ADAM19: variants seen among roughly 807,000 people sequenced by gnomAD.
ADAM19 encodes ADAM metallopeptidase domain 19.
In ADAM19, 65 loss-of-function variants were observed where a neutral mutation model predicts 114.7. The observed-to-expected ratio is 0.57, with a 90% confidence interval of 0.46 to 0.70. The LOEUF (loss-of-function observed/expected upper bound fraction) is 0.70, where lower values mean the gene tolerates loss of function less well. ADAM19 is among the 30% of genes least tolerant of loss of function. ADAM19 has a pLI of 0.00. For missense variants in ADAM19, 1,063 were observed against 1,204.7 expected, an observed-to-expected ratio of 0.88 and a Z score of 1.74; for synonymous variants, 466 against 460.5, an observed-to-expected ratio of 1.01 and a Z score of -0.15.
rs1358355507 is a variant in ADAM19 at position 157,477,557 on chromosome 5, T to C, written c.*3392A>G. On this transcript the variant is annotated 3_prime_UTR_variant, in exon 23 of 23. Coordinates refer to ENST00000257527, the MANE Select transcript of ADAM19 (RefSeq NM_033274.5). ...GACGCGTTGGGGGTGACTTTGGAAA[T>C]GTGGGCTTGGATTCTACAGAACCTC... 13 of 1,189,568 alleles carry C rather than the reference T, an allele frequency of 1.1e-5. No individual in the cohort carries two copies. The highest frequency in any genetic ancestry group is 1.4e-5 in the Non-Finnish European group (13 of 936,324). The allele number at this position is 1,189,568 out of a possible 1,614,324, so 73.7% of individuals were successfully genotyped here.
intron 3 of ADAM19, among the ~76,000 whole-genome samples, chr5:157,558,121 G>C (rs11750530): frequency 0.069 from 10,511 of 152,294 alleles, 464 homozygotes; most frequent in Middle Eastern, 0.15. Context: ...CTGGAATGAC[G>C]TGCCTAGCAA....
intron 7 of ADAM19, among the ~76,000 whole-genome samples, chr5:157,515,768 A>G (rs544725981): frequency 6.6e-6 from 1 of 152,256 alleles, no homozygotes; most frequent in African/African-American, 2.4e-5. Context: ...AGCATCATGG[A>G]AGTCCTTTAC....
rs1338296997 is a variant in ADAM19 at position 157,477,332 on chromosome 5, T to C, written c.*3617A>G. On this transcript the variant is annotated 3_prime_UTR_variant, in exon 23 of 23. Transcript: ENST00000257527. ...CATTGCAAATGACAAACAATTCATT[T>C]TTAATTAAATACTAACAAGGAAAAA... is the stretch of plus-strand genomic sequence containing the variant. 1.0e-6 allele frequency: 1 copy of C among 997,426 alleles called. No homozygotes were observed. Among genetic ancestry groups the C allele is most frequent in the Non-Finnish European group, 1.2e-6 (1 of 836,430 alleles). The allele number at this position is 997,426 out of a possible 1,614,324, so 61.8% of individuals were successfully genotyped here. A position where few individuals can be genotyped will look rare whatever the true frequency, so the allele number is the denominator to read the frequency against.
intron 7 of ADAM19, 38 bp downstream of exon 7, chr5:157,518,785 G>A (rs778340417): frequency 1.3e-6 from 2 of 1,502,298 alleles, no homozygotes; most frequent in South Asian, 1.1e-5. Flanking sequence ...GCTATCAAGA[G>A]AGCAGTTTTT....
chr5:157,552,744 T>C (rs935161361), intron 3 of ADAM19, among the ~76,000 whole-genome samples: 1 of 151,822 alleles, frequency 6.6e-6, no homozygotes, highest in African/African-American at 2.4e-5. Context: ...CCTGTGTTTG[T>C]TGCAGCAGAG....
chr5:157,565,552 T>C (rs994089548), intron 2 of ADAM19, among the ~76,000 whole-genome samples: 1 of 151,284 alleles, frequency 6.6e-6, no homozygotes, highest in African/African-American at 2.4e-5. Context: ...CTACCAAAAA[T>C]ACAAAAATTA....
intron 21 of ADAM19, among the ~76,000 whole-genome samples, chr5:157,483,756 C>T (rs139772773): frequency 1.3e-5 from 2 of 151,916 alleles, no homozygotes; most frequent in East Asian, 3.9e-4. Flanking sequence ...GCCTCAGCCT[C>T]CTGAGTAGTT....
intron 3 of ADAM19, among the ~76,000 whole-genome samples, chr5:157,555,518 A>G (rs1333158934): frequency 6.6e-6 from 1 of 152,226 alleles, no homozygotes; most frequent in Non-Finnish European, 1.5e-5. Flanking sequence ...TGCAAGGGCC[A>G]CATGTCACAG....
chr5:157,550,610 C>G (rs1757167765), intron 3 of ADAM19, among the ~76,000 whole-genome samples: 1 of 150,334 alleles, frequency 6.7e-6, no homozygotes, highest in Non-Finnish European at 1.5e-5. Flanking sequence ...TGTAAATATA[C>G]TAAAACAGAT....
intron 7 of ADAM19, among the ~76,000 whole-genome samples, chr5:157,518,337 G>T (rs1756155518): frequency 6.6e-6 from 1 of 151,862 alleles, no homozygotes; most frequent in South Asian, 2.1e-4. Context: ...GGGGGGAGTT[G>T]GGGGAGTTCC....
chr5:157,539,787 G>A (rs376037732), intron 3 of ADAM19, among the ~76,000 whole-genome samples: 60 of 152,266 alleles, frequency 3.9e-4, no homozygotes, highest in African/African-American at 1.4e-3. Context: ...TTTGCCTGAG[G>A]GAGAAAAGCT....
chr5:157,494,655 T>C (rs1755296101), intron 15 of ADAM19, 32 bp downstream of exon 15: 2 of 1,589,976 alleles, frequency 1.3e-6, no homozygotes, highest in African/African-American at 1.3e-5. Context: ...TTGTTCATCC[T>C]CATTTCATGA....
At chr5:157,564,500 G>A (rs11134819) in intron 2 of ADAM19, 57 bp from the exon 3 acceptor site, 178,329 of 1,487,932 alleles carry the variant, frequency 0.12, 13,695 homozygotes, top group African/African-American at 0.36. Flanking sequence ...GGCTCCCTGG[G>A]TCGGGCACAG....
chr5:157,497,128 T>C (rs762562311), intron 13 of ADAM19, 39 bp from the exon 14 acceptor site: 12 of 1,451,142 alleles, frequency 8.3e-6, no homozygotes, highest in African/African-American at 3.0e-5. Flanking sequence ...GTCAATCTCC[T>C]CCCCACCCTC....
intron 5 of ADAM19, among the ~76,000 whole-genome samples, chr5:157,525,370 C>A (rs1756423373): frequency 6.6e-6 from 1 of 152,194 alleles, no homozygotes; most frequent in Non-Finnish European, 1.5e-5. Context: ...AGACTCTGCC[C>A]AACCTCTCTG....
chr5:157,489,245 C>T, intron 19 of ADAM19, 59 bp from the exon 20 acceptor site: 11 of 1,262,042 alleles, frequency 8.7e-6, no homozygotes, highest in South Asian at 1.2e-5. Flanking sequence ...GGGGACAGTG[C>T]CTGAGTTCCC....
chr5:157,503,546 A>G (rs1329622558), intron 11 of ADAM19, among the ~76,000 whole-genome samples: 1 of 152,156 alleles, frequency 6.6e-6, no homozygotes, highest in African/African-American at 2.4e-5. Flanking sequence ...CCACCCCATA[A>G]CATTCTATTT....
At chr5:157,506,919 T>G in intron 10 of ADAM19, 137 bp downstream of exon 10, 1 of 710,370 alleles carries the variant, frequency 1.4e-6, no homozygotes, top group Non-Finnish European at 2.4e-6. Context: ...GACTTCATTT[T>G]AAACAATTGC....
chr5:157,519,747 T>C, intron 6 of ADAM19, 92 bp downstream of exon 6: 1 of 1,241,456 alleles, frequency 8.1e-7, no homozygotes, highest in East Asian at 2.4e-5. Flanking sequence ...TCACCTTCAA[T>C]TTAGAAATAC....
Sources: allele counts gnomAD v4.1 joint callset (sites outside exome capture counted in the v4.1 genomes callset), GRCh38; gene constraint gnomAD v4.1.1; transcripts MANE v1.5; gene names NCBI Gene and HGNC (gene_info 2026-07-23, HGNC 2026-07-21).